The following MAPK10 variants were observed in gnomAD, a reference collection of about 807,000 sequenced individuals.
MAPK10 encodes JNK3 alpha protein kinase.
MAPK10 carries 25 observed loss-of-function variants against 59.3 expected under a neutral mutation model. The ratio of observed to expected loss-of-function variants is 0.42; its 90% CI spans 0.31 to 0.59. MAPK10 has a LOEUF of 0.59. MAPK10 is among the 20% of genes least tolerant of loss of function. The pLI is 0.15. For missense variants in MAPK10, 351 were observed against 568.9 expected (o/e 0.62, Z 3.90); for synonymous variants, 190 against 200.5 (o/e 0.95, Z 0.44).
intron 1 of MAPK10, among the ~76,000 whole-genome samples, chr4:86,400,691 G>A (rs1281972982): frequency 6.6e-6 from 1 of 152,060 alleles, no homozygotes; most frequent in Non-Finnish European, 1.5e-5. Context: ...GATGTTACTT[G>A]ACATATAACA....
At chr4:86,437,133 G>C (rs562538289) in intron 1 of MAPK10, among the ~76,000 whole-genome samples, 1 of 150,132 alleles carries the variant, frequency 6.7e-6, no homozygotes, top group East Asian at 2.0e-4. Flanking sequence ...AGAATGGCGT[G>C]AACCTGGGAG....
At chr4:86,412,266 T>G (rs1206783409) in intron 1 of MAPK10, among the ~76,000 whole-genome samples, 2 of 152,214 alleles carry the variant, frequency 1.3e-5, no homozygotes, top group African/African-American at 4.8e-5. Context: ...TGCTGAGAGA[T>G]CTGCTGTTAG....
At chr4:86,021,138 A>G (rs1349900420) in intron 13 of MAPK10, among the ~76,000 whole-genome samples, 3 of 152,186 alleles carry the variant, frequency 2.0e-5, no homozygotes, top group African/African-American at 7.2e-5. Context: ...CTAGATACAG[A>G]GTGTGGATTG....
chr4:86,186,052 G>A (rs2078155000), intron 3 of MAPK10, among the ~76,000 whole-genome samples: 1 of 152,068 alleles, frequency 6.6e-6, no homozygotes, highest in African/African-American at 2.4e-5. Context: ...GCACTAGAAA[G>A]TGAGTATAAA....
chr4:86,434,781 T>C (rs564595914), intron 1 of MAPK10, among the ~76,000 whole-genome samples: 2 of 152,330 alleles, frequency 1.3e-5, no homozygotes, highest in South Asian at 4.1e-4. Flanking sequence ...GATGCAGCGG[T>C]CCCATTGCTG....
At chr4:86,546,348 G>A (rs944282186) in intron 1 of MAPK10, among the ~76,000 whole-genome samples, 6 of 151,004 alleles carry the variant, frequency 4.0e-5, no homozygotes, top group South Asian at 2.1e-4. Flanking sequence ...AGGAGTTCGA[G>A]ACAAGCCTGG....
chr4:86,025,373 T>A (rs3822035), intron 13 of MAPK10: 8,600 of 395,008 alleles, frequency 0.022, 414 homozygotes, highest in East Asian at 0.11. Flanking sequence ...TCCATTCAAG[T>A]CTATTTTCAT....
intron 1 of MAPK10, among the ~76,000 whole-genome samples, chr4:86,523,562 T>G (rs562377744): frequency 6.6e-6 from 1 of 152,358 alleles, no homozygotes; most frequent in South Asian, 2.1e-4. Flanking sequence ...CGGATTTACA[T>G]CACCATTGTG....
chr4:86,522,750 C>G (rs1757210695), intron 1 of MAPK10, among the ~76,000 whole-genome samples: 1 of 152,090 alleles, frequency 6.6e-6, no homozygotes, highest in Non-Finnish European at 1.5e-5. Context: ...CACATAGATC[C>G]TCTTTTTCTA....
chr4:86,464,535 C>A (rs916864608), intron 1 of MAPK10, among the ~76,000 whole-genome samples: 1 of 152,216 alleles, frequency 6.6e-6, no homozygotes, highest in Admixed American at 6.5e-5. Flanking sequence ...AGAATGCACC[C>A]TTTTTGCTGG....
chr4:86,415,140 A>C (rs1579129342), intron 1 of MAPK10, among the ~76,000 whole-genome samples: 1 of 103,284 alleles, frequency 9.7e-6, no homozygotes, highest in East Asian at 3.4e-4. Flanking sequence ...TTCTGTCAAA[A>C]AAAAAAAAAA....
At chr4:86,368,321 C>T (rs971284155) in intron 1 of MAPK10, among the ~76,000 whole-genome samples, 1 of 152,180 alleles carries the variant, frequency 6.6e-6, no homozygotes, top group Admixed American at 6.6e-5. Context: ...ATCTTGCACT[C>T]ATGTGATACA....
intron 1 of MAPK10, chr4:86,358,242 G>C: frequency 4.1e-6 from 4 of 985,364 alleles, no homozygotes; most frequent in Non-Finnish European, 4.8e-6. Context: ...TTCTCTGAGA[G>C]AAATGGTCCT....
At chr4:86,508,556 C>T (rs74645459) in intron 1 of MAPK10, among the ~76,000 whole-genome samples, 7,375 of 152,088 alleles carry the variant, frequency 0.048, 239 homozygotes, top group African/African-American at 0.062. Context: ...TTGGTGCATC[C>T]GGCTTAATAT....
At chr4:86,301,246 C>G (rs1337222693) in intron 2 of MAPK10, among the ~76,000 whole-genome samples, 4 of 151,912 alleles carry the variant, frequency 2.6e-5, no homozygotes, top group Non-Finnish European at 1.5e-5. Flanking sequence ...GTATTTGGCA[C>G]AAGGAAAGGA....
At chr4:86,541,345 T>C (rs1003578961) in intron 1 of MAPK10, among the ~76,000 whole-genome samples, 2 of 152,036 alleles carry the variant, frequency 1.3e-5, no homozygotes, top group South Asian at 2.1e-4. Context: ...AACAAACCCA[T>C]AGGCAAAATC....
rs370670012 is a variant in MAPK10, at chr4:86,534,772, G to A, written c.-263+59138C>T. 7.6e-4 allele frequency among the ~76,000 whole-genome samples: 115 copies of A among 152,030 alleles called. 2 individuals are homozygous for A. The South Asian group carries it at 0.024, about 31-fold the overall frequency. ...AATACAAAAATTAGCCAAGCGTAGT[G>A]GCACACACCTGTAATCCCAGCTATT... On this transcript the variant is annotated intron_variant, in intron 1 of 4. Coordinates refer to the MAPK10 transcript ENST00000502302.
chr4:86,135,621 G>A (rs2061878368), intron 4 of MAPK10, among the ~76,000 whole-genome samples: 1 of 152,188 alleles, frequency 6.6e-6, no homozygotes, highest in South Asian at 2.1e-4. Context: ...ACTCTAAAAA[G>A]CAGAGCGCCT....
chr4:86,130,429 A>T (rs1184977800), intron 4 of MAPK10, among the ~76,000 whole-genome samples: 2 of 152,134 alleles, frequency 1.3e-5, no homozygotes, highest in Non-Finnish European at 2.9e-5. Context: ...ATTCAAACTA[A>T]ACAAATAATT....
Sources: allele counts gnomAD v4.1 joint callset (sites outside exome capture counted in the v4.1 genomes callset), GRCh38; gene constraint gnomAD v4.1.1; transcripts MANE v1.5; gene names NCBI Gene and HGNC (gene_info 2026-07-23, HGNC 2026-07-21).